DRC11: variants seen among roughly 807,000 people sequenced by gnomAD.
The protein encoded by DRC11 is IQ and AAA domain-containing protein 1.
the DRC11 span, among the ~76,000 whole-genome samples, chr2:236,406,555 G>C: frequency 6.6e-6 from 1 of 152,124 alleles, no homozygotes; most frequent in Admixed American, 6.5e-5. This position sits in a 1 kb window ranked among gnomAD's most constrained non-coding sequence, Gnocchi z 4.7. Context: ...GGGAGAGGTC[G>C]ACCAGCGATT....
chr2:236,359,782 G>A, the DRC11 span, among the ~76,000 whole-genome samples: 3 of 152,094 alleles, frequency 2.0e-5, no homozygotes, highest in African/African-American at 4.8e-5. This position sits in a 1 kb window ranked among gnomAD's most constrained non-coding sequence, Gnocchi z 4.3. Flanking sequence ...ACTGGGACAC[G>A]GTGGCCTCAC....
chr2:236,468,938 T>A, the DRC11 span, among the ~76,000 whole-genome samples: 1 of 152,232 alleles, frequency 6.6e-6, no homozygotes, highest in Non-Finnish European at 1.5e-5. Context: ...TTCATAGATG[T>A]TTACAGACAA....
the DRC11 span, among the ~76,000 whole-genome samples, chr2:236,431,656 T>A: frequency 3.6e-3 from 548 of 152,336 alleles, 3 homozygotes; most frequent in African/African-American, 0.012. The surrounding 1 kb of genome is among the most constrained non-coding windows in gnomAD (Gnocchi z 4.2). Context: ...ATAAATGGAA[T>A]AACAAAATAC....
At chr2:236,452,856 T>A in the DRC11 span, among the ~76,000 whole-genome samples, 3 of 152,158 alleles carry the variant, frequency 2.0e-5, no homozygotes, top group African/African-American at 4.8e-5. The surrounding 1 kb of genome is among the most constrained non-coding windows in gnomAD (Gnocchi z 4.7). Flanking sequence ...TTTAAAAAAA[T>A]TTTATTAAAA....
At chr2:236,428,540 T>G in the DRC11 span, among the ~76,000 whole-genome samples, 1 of 152,200 alleles carries the variant, frequency 6.6e-6, no homozygotes, top group African/African-American at 2.4e-5. Flanking sequence ...TTGTCTGACA[T>G]GATTATAGTT....
chr2:236,424,963 T>C, the DRC11 span, among the ~76,000 whole-genome samples: 1 of 152,190 alleles, frequency 6.6e-6, no homozygotes, highest in Admixed American at 6.5e-5. Context: ...TCCTCTGGGT[T>C]CATGCATGTT....
the DRC11 span, among the ~76,000 whole-genome samples, chr2:236,432,319 T>G: frequency 6.6e-6 from 1 of 152,194 alleles, no homozygotes; most frequent in Non-Finnish European, 1.5e-5. Context: ...TTTCTGGCTG[T>G]AAGTCCTTTA....
chr2:236,440,951 A>AC, the DRC11 span: 1 of 761,218 alleles, frequency 1.3e-6, no homozygotes, highest in African/African-American at 1.8e-5. Flanking sequence ...AATAACCAAG[A>AC]CCTAATAACG....
the DRC11 span, among the ~76,000 whole-genome samples, chr2:236,411,657 CAAT>C: frequency 1.3e-5 from 2 of 148,780 alleles, no homozygotes; most frequent in Admixed American, 6.7e-5. Flanking sequence ...AAATGTCCAA[CAAT>C]GATAGACTGG....
chr2:236,451,047 C>T, the DRC11 span, among the ~76,000 whole-genome samples: 1 of 152,200 alleles, frequency 6.6e-6, no homozygotes, highest in African/African-American at 2.4e-5. Context: ...AGTCTTTTCT[C>T]ATTTCTTCCT....
the DRC11 span, among the ~76,000 whole-genome samples, chr2:236,365,167 G>A: frequency 6.6e-6 from 1 of 152,078 alleles, no homozygotes; most frequent in Non-Finnish European, 1.5e-5. The surrounding 1 kb of genome is among the most constrained non-coding windows in gnomAD (Gnocchi z 7.4). Context: ...GTGGCGGGGA[G>A]TGACACAAAT....
At chr2:236,450,314 C>CTTTTTT in the DRC11 span, among the ~76,000 whole-genome samples, 216 of 82,362 alleles carry the variant, frequency 2.6e-3, no homozygotes, top group Non-Finnish European at 3.3e-3. Flanking sequence ...CTTTTCTTTT[C>CTTTTTT]TTTTTTTTTT....
the DRC11 span, among the ~76,000 whole-genome samples, chr2:236,424,789 T>C: frequency 2.0e-5 from 3 of 152,004 alleles, no homozygotes; most frequent in Non-Finnish European, 4.4e-5. Flanking sequence ...CTCTGTACCC[T>C]TTGACCAACA....
At chr2:236,491,188 G>GTATATATATATATATATACACACAGTA in the DRC11 span, among the ~76,000 whole-genome samples, 2 of 24,774 alleles carry the variant, frequency 8.1e-5, no homozygotes, top group Non-Finnish European at 1.5e-4. Flanking sequence ...TATACACACA[G>GTATATATATATATATATACACACAGTA]TATATATATA....
chr2:236,397,661 G>A, the DRC11 span, among the ~76,000 whole-genome samples: 1 of 152,226 alleles, frequency 6.6e-6, no homozygotes, highest in East Asian at 1.9e-4. The surrounding 1 kb of genome is among the most constrained non-coding windows in gnomAD (Gnocchi z 5.0). Flanking sequence ...AAGGCCAAAT[G>A]ATGATATGCA....
the DRC11 span, chr2:236,368,180 C>T: frequency 2.4e-5 from 36 of 1,521,998 alleles, no homozygotes; most frequent in Non-Finnish European, 3.1e-5. Context: ...CATCCGCGCA[C>T]GCCGAGTCTT....
At chr2:236,431,077 G>A in the DRC11 span, among the ~76,000 whole-genome samples, 2 of 152,070 alleles carry the variant, frequency 1.3e-5, no homozygotes, top group East Asian at 1.9e-4. The surrounding 1 kb of genome is among the most constrained non-coding windows in gnomAD (Gnocchi z 4.2). Context: ...TTTCAAGTGT[G>A]CAATTCAATA....
the DRC11 span, among the ~76,000 whole-genome samples, chr2:236,459,356 T>C: frequency 6.6e-6 from 1 of 151,838 alleles, no homozygotes; most frequent in African/African-American, 2.4e-5. Context: ...AGTGCATCCA[T>C]GCAATCGAAA....
At chr2:236,472,012 G>T in the DRC11 span, among the ~76,000 whole-genome samples, 26 of 152,174 alleles carry the variant, frequency 1.7e-4, no homozygotes, top group African/African-American at 6.3e-4. This position sits in a 1 kb window ranked among gnomAD's most constrained non-coding sequence, Gnocchi z 4.6. Context: ...GAATAAAACT[G>T]CATCCCAATA....
Sources: allele counts gnomAD v4.1 joint callset (sites outside exome capture counted in the v4.1 genomes callset), GRCh38; gene constraint gnomAD v4.1.1; non-coding constraint Gnocchi (gnomAD v3.1); transcripts MANE v1.5; gene names NCBI Gene and HGNC (gene_info 2026-07-23, HGNC 2026-07-21).